The following TMEM108 variants were observed in gnomAD, a reference collection of about 807,000 sequenced individuals.
TMEM108 encodes transmembrane protein 108.
TMEM108 carries 12 observed loss-of-function variants against 35.1 expected under a neutral mutation model. That is an observed-to-expected ratio of 0.34 (90% CI 0.22 to 0.55). The LOEUF is 0.55. Ranked by LOEUF, TMEM108 falls within the 20% of genes least tolerant of loss-of-function variation. The probability of loss-of-function intolerance (pLI) is 0.89; values close to 1 mark genes in which losing one functional copy is unlikely to be tolerated. For synonymous variants in TMEM108, 287 were observed against 308.6 expected, an observed-to-expected ratio of 0.93 and a Z score of 0.73; for missense variants, 680 against 753.3, an observed-to-expected ratio of 0.90 and a Z score of 1.14.
At chr3:133,212,614 C>A (rs1945848154) in intron 2 of TMEM108, among the ~76,000 whole-genome samples, 1 of 151,924 alleles carries the variant, frequency 6.6e-6, no homozygotes, top group African/African-American at 2.4e-5. Flanking sequence ...TGCCTGTAAT[C>A]CCAGTACTTT....
rs1251516217 is a variant in TMEM108 at position 133,179,357 on chromosome 3, G to A, written c.-46-49909G>A. On this transcript the variant is annotated intron_variant, in intron 2 of 5. Coordinates refer to ENST00000321871, the MANE Select transcript of TMEM108 (RefSeq NM_023943.4). ...TGCTGCCATAAAGACACATGCACAC[G>A]TATGTTTATTGTGGCACTATTCACA... Among the ~76,000 whole-genome samples the A allele has an allele frequency of 1.1e-4, 17 of 152,234 alleles. No homozygotes were observed. In the South Asian group the frequency reaches 1.7e-3, roughly 15 times the overall value.
At chr3:133,118,097 G>A (rs1170137650) in intron 2 of TMEM108, among the ~76,000 whole-genome samples, 1 of 151,134 alleles carries the variant, frequency 6.6e-6, no homozygotes, top group Non-Finnish European at 1.5e-5. Context: ...CTAGGAGTTG[G>A]TAGAGTACTA....
intron 2 of TMEM108, among the ~76,000 whole-genome samples, chr3:133,200,354 T>A (rs1432676809): frequency 6.6e-6 from 1 of 152,150 alleles, no homozygotes; most frequent in Non-Finnish European, 1.5e-5. Context: ...TTGGAAAATA[T>A]TTGAATGAAT....
At chr3:133,325,766 AGTGTGTATAT>A (rs1245020109) in intron 3 of TMEM108, among the ~76,000 whole-genome samples, 6 of 150,824 alleles carry the variant, frequency 4.0e-5, no homozygotes, top group South Asian at 2.1e-4. Context: ...ATAATTTTTA[AGTGTGTATAT>A]GTGTGTATAT....
At chr3:133,108,469 TG>T (rs1188743190) in intron 2 of TMEM108, among the ~76,000 whole-genome samples, 3 of 151,832 alleles carry the variant, frequency 2.0e-5, no homozygotes, top group Non-Finnish European at 4.4e-5. Flanking sequence ...TGGGGTCGTT[TG>T]TTTTTTTCTT....
At chr3:133,153,343 C>G (rs1263044538) in intron 2 of TMEM108, among the ~76,000 whole-genome samples, 1 of 152,066 alleles carries the variant, frequency 6.6e-6, no homozygotes, top group Non-Finnish European at 1.5e-5. Context: ...TGGCAAAATT[C>G]AAATGAAAGT....
intron 2 of TMEM108, among the ~76,000 whole-genome samples, chr3:133,218,578 C>G (rs1224699791): frequency 6.6e-6 from 1 of 151,848 alleles, no homozygotes; most frequent in African/African-American, 2.4e-5. Context: ...TTATTGTATA[C>G]TTAATTTATT....
At chr3:133,168,933 G>A (rs776032447) in intron 2 of TMEM108, among the ~76,000 whole-genome samples, 1 of 152,056 alleles carries the variant, frequency 6.6e-6, no homozygotes, top group Non-Finnish European at 1.5e-5. Context: ...CTCACGTGAA[G>A]GTCTGCAGCT....
chr3:133,111,070 G>T (rs1944218580), intron 2 of TMEM108, among the ~76,000 whole-genome samples: 1 of 152,150 alleles, frequency 6.6e-6, no homozygotes, highest in Non-Finnish European at 1.5e-5. Flanking sequence ...CCATAGATGT[G>T]TGCTCATATC....
intron 1 of TMEM108, among the ~76,000 whole-genome samples, chr3:133,042,705 T>C (rs1943289607): frequency 6.6e-6 from 1 of 152,228 alleles, no homozygotes; most frequent in Non-Finnish European, 1.5e-5. Context: ...TGATTTAACT[T>C]AACCTTCTCA....
At chr3:133,080,865 G>A (rs1185261917) in intron 2 of TMEM108, among the ~76,000 whole-genome samples, 1 of 152,054 alleles carries the variant, frequency 6.6e-6, no homozygotes, top group Non-Finnish European at 1.5e-5. Flanking sequence ...TTAGTCTCTA[G>A]ATAGACACAA....
At chr3:133,154,551 G>A (rs913043977) in intron 2 of TMEM108, among the ~76,000 whole-genome samples, 2 of 152,150 alleles carry the variant, frequency 1.3e-5, no homozygotes, top group African/African-American at 4.8e-5. Context: ...ATGAGTTTAT[G>A]TCCTTTGTAG....
intron 5 of TMEM108, among the ~76,000 whole-genome samples, chr3:133,393,540 C>A (rs894109586): frequency 6.6e-6 from 1 of 152,226 alleles, no homozygotes; most frequent in African/African-American, 2.4e-5. Flanking sequence ...CAGAGCCTAA[C>A]ACACAGTAAA....
At chr3:133,284,394 G>A (rs1051434071) in intron 3 of TMEM108, among the ~76,000 whole-genome samples, 1 of 152,162 alleles carries the variant, frequency 6.6e-6, no homozygotes, top group Non-Finnish European at 1.5e-5. Context: ...TTGTTCAAGG[G>A]GCTAGCAGTG....
At chr3:133,168,435 T>C (rs1945077088) in intron 2 of TMEM108, among the ~76,000 whole-genome samples, 1 of 152,072 alleles carries the variant, frequency 6.6e-6, no homozygotes, top group Non-Finnish European at 1.5e-5. Context: ...CGAGGGGGAT[T>C]GAACACATCC....
chr3:133,048,385 A>G (rs1248213436), intron 2 of TMEM108, among the ~76,000 whole-genome samples: 1 of 152,174 alleles, frequency 6.6e-6, no homozygotes, highest in Non-Finnish European at 1.5e-5. Flanking sequence ...ATGGAAAGGG[A>G]TTATCTTTAA....
intron 3 of TMEM108, among the ~76,000 whole-genome samples, chr3:133,271,762 C>T (rs1946774215): frequency 6.6e-6 from 1 of 152,138 alleles, no homozygotes; most frequent in Non-Finnish European, 1.5e-5. Flanking sequence ...CACCTAGAAG[C>T]ACGCTAAGCT....
chr3:133,208,219 C>T (rs1274817854), intron 2 of TMEM108, among the ~76,000 whole-genome samples: 1 of 152,184 alleles, frequency 6.6e-6, no homozygotes, highest in African/African-American at 2.4e-5. Context: ...AGAACCTGAT[C>T]ATTTTCATTT....
At chr3:133,156,381 A>G (rs1328215336) in intron 2 of TMEM108, among the ~76,000 whole-genome samples, 1 of 152,234 alleles carries the variant, frequency 6.6e-6, no homozygotes, top group Non-Finnish European at 1.5e-5. Flanking sequence ...GATGAGTAGC[A>G]TCAGATAACA....
Sources: gnomAD v4.1 joint callset for allele counts (sites outside exome capture counted in the v4.1 genomes callset) on GRCh38, gnomAD v4.1.1 for gene constraint, MANE v1.5 for transcripts, NCBI Gene and HGNC (gene_info 2026-07-23, HGNC 2026-07-21) for gene names.